Variants in PPP4R4 observed in about 807,000 individuals in gnomAD.
The protein encoded by PPP4R4 is protein phosphatase 4 regulatory subunit 4.
A neutral mutation model predicts 121.8 loss-of-function variants in PPP4R4; 70 were observed. The observed-to-expected ratio is 0.57, with a 90% confidence interval of 0.47 to 0.70. The LOEUF (loss-of-function observed/expected upper bound fraction) is 0.70, where lower values mean the gene tolerates loss of function less well. Among genes scored for constraint, PPP4R4 ranks in the 30% least tolerant of loss-of-function variants. The pLI is 0.00. For missense variants in PPP4R4, 875 were observed against 1,033.6 expected, an observed-to-expected ratio of 0.85 and a Z score of 2.10; for synonymous variants, 348 against 355.7, an observed-to-expected ratio of 0.98 and a Z score of 0.24.
At chr14:94,244,104 A>G (rs753974526) in intron 11 of PPP4R4, among the ~76,000 whole-genome samples, 19 of 152,252 alleles carry the variant, frequency 1.2e-4, no homozygotes, top group Middle Eastern at 3.4e-3. Flanking sequence ...ACTACTGTCT[A>G]CAAGGGGAAC....
intron 2 of PPP4R4, among the ~76,000 whole-genome samples, chr14:94,182,619 T>G (rs1371823378): frequency 6.6e-6 from 1 of 152,222 alleles, no homozygotes; most frequent in Non-Finnish European, 1.5e-5. Flanking sequence ...TCATTCTCAT[T>G]GCTGTATACT....
At chr14:94,269,434 G>T (rs1429160555) in intron 23 of PPP4R4, among the ~76,000 whole-genome samples, 1 of 152,060 alleles carries the variant, frequency 6.6e-6, no homozygotes, top group Admixed American at 6.5e-5. Flanking sequence ...CCAGCACCTT[G>T]GGAGGCTGAG....
chr14:94,227,211 A>C, intron 3 of PPP4R4: 4 of 1,176,504 alleles, frequency 3.4e-6, no homozygotes, highest in Non-Finnish European at 5.0e-6. Flanking sequence ...TACAATAGTA[A>C]TGTAAGAGGA....
intron 7 of PPP4R4, among the ~76,000 whole-genome samples, chr14:94,236,520 G>T (rs1892361440): frequency 1.3e-5 from 2 of 152,040 alleles, no homozygotes; most frequent in Non-Finnish European, 2.9e-5. Flanking sequence ...CTATCTGTAT[G>T]ATCTAGATCA....
intron 24 of PPP4R4, 23 bp from the exon 25 acceptor site, chr14:94,278,592 TCTTC>T: frequency 6.6e-7 from 1 of 1,521,916 alleles, no homozygotes; most frequent in African/African-American, 1.4e-5. Context: ...ACCCTCCCTC[TCTTC>T]CTTCATTTCT....
At chr14:94,270,931 A>AC (rs1425156517) in intron 23 of PPP4R4, among the ~76,000 whole-genome samples, 3 of 151,272 alleles carry the variant, frequency 2.0e-5, no homozygotes, top group African/African-American at 7.3e-5. Flanking sequence ...AAAAAAAACA[A>AC]CAACAACAAC....
intron 21 of PPP4R4, 121 bp from the exon 22 acceptor site, chr14:94,265,673 G>A: frequency 1.2e-6 from 1 of 860,926 alleles, no homozygotes; most frequent in Non-Finnish European, 1.8e-6. Context: ...CTCAAATTAA[G>A]GAAAAAAGGC....
intron 1 of PPP4R4, 147 bp downstream of exon 1, chr14:94,174,729 C>T: frequency 5.0e-6 from 7 of 1,402,074 alleles, no homozygotes; most frequent in Non-Finnish European, 6.6e-6. Context: ...CTCCTCCACC[C>T]CTCTTGCCGT....
At chr14:94,239,909 GT>G (rs1892538618) in intron 8 of PPP4R4, among the ~76,000 whole-genome samples, 1 of 152,128 alleles carries the variant, frequency 6.6e-6, no homozygotes, top group Admixed American at 6.5e-5. Flanking sequence ...GAAATACAGT[GT>G]GTTGAATGAA....
intron 8 of PPP4R4, among the ~76,000 whole-genome samples, chr14:94,239,791 C>G (rs1157439975): frequency 6.6e-6 from 1 of 152,070 alleles, no homozygotes; most frequent in South Asian, 2.1e-4. Flanking sequence ...ATCACATTGT[C>G]TTATATTTTT....
chr14:94,178,555 A>G (rs533345252), intron 2 of PPP4R4, among the ~76,000 whole-genome samples: 9 of 152,154 alleles, frequency 5.9e-5, no homozygotes, highest in Middle Eastern at 3.4e-3. Flanking sequence ...CATTTTATAT[A>G]TAGAGTACTG....
chr14:94,275,603 C>G (rs1894595935), intron 24 of PPP4R4, 82 bp downstream of exon 24: 1 of 1,449,480 alleles, frequency 6.9e-7, no homozygotes, highest in African/African-American at 1.4e-5. Context: ...TAAGTACTTT[C>G]CAAAGAATAG....
At chr14:94,257,443 A>G (rs1386562164) in intron 17 of PPP4R4, among the ~76,000 whole-genome samples, 1 of 152,078 alleles carries the variant, frequency 6.6e-6, no homozygotes, top group Non-Finnish European at 1.5e-5. Context: ...ATTAGCATAC[A>G]TGGTGAGAAA....
intron 19 of PPP4R4, among the ~76,000 whole-genome samples, chr14:94,264,126 A>T (rs1304008127): frequency 1.3e-5 from 2 of 152,040 alleles, no homozygotes; most frequent in Non-Finnish European, 2.9e-5. Flanking sequence ...TATACCTATA[A>T]TTTGTGTACT....
At chr14:94,187,826 C>G (rs763383196) in intron 2 of PPP4R4, among the ~76,000 whole-genome samples, 4 of 152,104 alleles carry the variant, frequency 2.6e-5, no homozygotes, top group African/African-American at 4.8e-5. Flanking sequence ...TGTTATTTCT[C>G]ATCATTAGAT....
At chr14:94,268,363 G>T (rs1427441543) in intron 23 of PPP4R4, among the ~76,000 whole-genome samples, 1 of 152,104 alleles carries the variant, frequency 6.6e-6, no homozygotes, top group Non-Finnish European at 1.5e-5. Context: ...TTTTTGTCAA[G>T]AAATTTCTTT....
chr14:94,214,719 T>G (rs1890932895), intron 3 of PPP4R4, among the ~76,000 whole-genome samples: 1 of 152,146 alleles, frequency 6.6e-6, no homozygotes, highest in Admixed American at 6.5e-5. Flanking sequence ...CTATTTCAAG[T>G]AGCATAGTTA....
chr14:94,254,952 T>A (rs1232457090), intron 16 of PPP4R4, among the ~76,000 whole-genome samples: 3 of 152,176 alleles, frequency 2.0e-5, no homozygotes, highest in African/African-American at 7.2e-5. Context: ...CCTTTTATCC[T>A]TTTCTTCTCT....
chr14:94,211,625 T>C (rs1319672775), intron 3 of PPP4R4, among the ~76,000 whole-genome samples: 3 of 152,148 alleles, frequency 2.0e-5, no homozygotes, highest in Non-Finnish European at 1.5e-5. Context: ...TGAAAAGTCG[T>C]TGAAGTCTTT....
Sources: gnomAD v4.1 joint callset for allele counts (sites outside exome capture counted in the v4.1 genomes callset) on GRCh38, gnomAD v4.1.1 for gene constraint, MANE v1.5 for transcripts, NCBI Gene and HGNC (gene_info 2026-07-23, HGNC 2026-07-21) for gene names.